Variants in BEND6 observed in about 807,000 individuals in gnomAD.
BEND6 encodes the protein BEN domain containing 6, also known as BEN domain-containing protein 6.
Under a neutral mutation model 31.8 loss-of-function variants are expected in BEND6, and 24 were observed. The observed-to-expected ratio is 0.75, with a 90% CI of 0.55 to 1.06. The LOEUF is 1.06. Among genes scored for constraint, BEND6 ranks in the 50% least tolerant of loss-of-function variants. BEND6 has a pLI of 0.00. For missense variants in BEND6, 294 were observed against 327.4 expected (o/e 0.90, Z 0.79); for synonymous variants, 109 against 114.6 (o/e 0.95, Z 0.31).
intron 3 of BEND6, among the ~76,000 whole-genome samples, chr6:56,998,097 G>A (rs1309497773): frequency 1.3e-5 from 2 of 152,128 alleles, no homozygotes; most frequent in East Asian, 1.9e-4. Flanking sequence ...AAAAGATTAC[G>A]TTTTGAGGGA....
intron 1 of BEND6, among the ~76,000 whole-genome samples, chr6:56,980,451 A>T (rs1174888019): frequency 6.6e-6 from 1 of 152,216 alleles, no homozygotes; most frequent in Non-Finnish European, 1.5e-5. Context: ...GGACTCCCAA[A>T]GTGCTAGGGT....
intron 1 of BEND6, among the ~76,000 whole-genome samples, chr6:56,959,013 G>A (rs1247407599): frequency 6.6e-6 from 1 of 152,152 alleles, no homozygotes; most frequent in African/African-American, 2.4e-5. Flanking sequence ...CTGAATAAAG[G>A]CCAATGGTGA....
At chr6:56,962,380 T>C (rs1003726325) in intron 1 of BEND6, among the ~76,000 whole-genome samples, 1 of 152,234 alleles carries the variant, frequency 6.6e-6, no homozygotes, top group African/African-American at 2.4e-5. Flanking sequence ...TGATCACATA[T>C]TGTTACAGTA....
At chr6:57,021,109 T>C (rs1019264464) in intron 6 of BEND6, among the ~76,000 whole-genome samples, 1 of 152,246 alleles carries the variant, frequency 6.6e-6, no homozygotes, top group Admixed American at 6.5e-5. Flanking sequence ...GAAATGCATG[T>C]ATTTTGAATC....
intron 1 of BEND6, chr6:56,976,154 C>A: frequency 5.0e-6 from 1 of 200,610 alleles, no homozygotes; most frequent in Non-Finnish European, 1.0e-5. Context: ...CAGTGCATGC[C>A]AATCATGCCA....
chr6:56,991,632 A>T (rs1199448290), intron 2 of BEND6, among the ~76,000 whole-genome samples: 2 of 152,154 alleles, frequency 1.3e-5, no homozygotes, highest in South Asian at 2.1e-4. Flanking sequence ...AAGTGCTGGG[A>T]TTACAGGTGT....
At position 57,020,752 on chromosome 6, in the gene BEND6, C is replaced by G. The variant is rs567734308; in HGVS notation, c.*9+2195C>G. Among the ~76,000 whole-genome samples, 299 of 152,056 alleles carry G rather than the reference C, an allele frequency of 2.0e-3. 1 individual carries two copies. Among genetic ancestry groups the G allele is most frequent in the Middle Eastern group, 6.8e-3 (2 of 294 alleles). On this transcript the variant is annotated intron_variant, in intron 6 of 6. Coordinates refer to ENST00000370746, the MANE Select transcript of BEND6 (RefSeq NM_152731.3). ...CTTTTCTAAATGGTATGTTACCAGACCTCCAAGTCAAGTGGCTATCTTTTG... is the reference window on the plus strand; with the variant it reads ...CTTTTCTAAATGGTATGTTACCAGAGCTCCAAGTCAAGTGGCTATCTTTTG...
At chr6:56,971,772 A>G (rs1825697559) in intron 1 of BEND6, among the ~76,000 whole-genome samples, 1 of 152,090 alleles carries the variant, frequency 6.6e-6, no homozygotes, top group African/African-American at 2.4e-5. Context: ...TATATCTTCT[A>G]TGGAAAAAGT....
intron 1 of BEND6, chr6:56,975,967 C>A: frequency 3.8e-6 from 2 of 521,616 alleles, no homozygotes; most frequent in South Asian, 3.0e-5. Flanking sequence ...CAGTCATGGT[C>A]GACGCCATGT....
chr6:57,012,557 G>A (rs543466588), intron 3 of BEND6, among the ~76,000 whole-genome samples: 1 of 152,204 alleles, frequency 6.6e-6, no homozygotes, highest in East Asian at 1.9e-4. Context: ...CAGACTTCAT[G>A]TAAGGTTTTG....
intron 3 of BEND6, among the ~76,000 whole-genome samples, chr6:57,001,199 T>G (rs1380656321): frequency 6.7e-6 from 1 of 150,288 alleles, no homozygotes; most frequent in Non-Finnish European, 1.5e-5. Context: ...GGTCTTGCTC[T>G]GTTGCCCAGG....
At chr6:56,971,617 A>G (rs1263662886) in intron 1 of BEND6, among the ~76,000 whole-genome samples, 2 of 152,246 alleles carry the variant, frequency 1.3e-5, no homozygotes, top group South Asian at 2.1e-4. Context: ...GTTCCTCTAT[A>G]TCCTTACCAA....
chr6:57,023,036 G>C (rs1418872033), intron 6 of BEND6, among the ~76,000 whole-genome samples: 1 of 152,060 alleles, frequency 6.6e-6, no homozygotes, highest in African/African-American at 2.4e-5. Flanking sequence ...TTGTTTTGTG[G>C]CCTAGATATA....
At chr6:56,998,142 T>C (rs1365118019) in intron 3 of BEND6, among the ~76,000 whole-genome samples, 1 of 152,244 alleles carries the variant, frequency 6.6e-6, no homozygotes, top group African/African-American at 2.4e-5. Context: ...GGCATGTTTA[T>C]AGCAGGCCTT....
intron 1 of BEND6, among the ~76,000 whole-genome samples, chr6:56,961,797 T>C (rs1395213129): frequency 6.6e-6 from 1 of 152,200 alleles, no homozygotes. Flanking sequence ...TTCAACAGTC[T>C]ACTGTGGAGT....
intron 2 of BEND6, among the ~76,000 whole-genome samples, chr6:56,986,578 A>AT (rs1279204147): frequency 6.6e-6 from 1 of 152,204 alleles, no homozygotes. Flanking sequence ...GATTGATAAG[A>AT]CAATAAAAAG....
chr6:56,962,748 T>C (rs1825334176), intron 1 of BEND6, among the ~76,000 whole-genome samples: 1 of 152,126 alleles, frequency 6.6e-6, no homozygotes, highest in South Asian at 2.1e-4. Flanking sequence ...AAAGTCTAGG[T>C]CTTAGTGCCT....
intron 1 of BEND6, among the ~76,000 whole-genome samples, chr6:56,977,497 A>G (rs1825918547): frequency 6.6e-6 from 1 of 152,244 alleles, no homozygotes; most frequent in African/African-American, 2.4e-5. Context: ...AAATAATTAG[A>G]CAAATTTACG....
intron 1 of BEND6, among the ~76,000 whole-genome samples, chr6:56,962,928 G>T (rs978702454): frequency 1.3e-5 from 2 of 152,070 alleles, no homozygotes. Flanking sequence ...CACTTATTGA[G>T]TATCTACTCT....
Sources: gnomAD v4.1 joint callset for allele counts (sites outside exome capture counted in the v4.1 genomes callset) on GRCh38, gnomAD v4.1.1 for gene constraint, MANE v1.5 for transcripts, NCBI Gene and HGNC (gene_info 2026-07-23, HGNC 2026-07-21) for gene names.